Variants in TPD52 observed in about 807,000 individuals in gnomAD.
TPD52 encodes the protein prostate and colon associated protein.
TPD52 carries 17 observed loss-of-function variants against 31.3 expected under a neutral mutation model. The observed-to-expected ratio is 0.54, with a 90% CI of 0.37 to 0.82. TPD52 has a LOEUF of 0.82. Ranked by LOEUF, TPD52 falls within the 40% of genes least tolerant of loss-of-function variation. The pLI is 0.00. For synonymous variants in TPD52, 83 were observed against 89.6 expected (o/e 0.93, Z 0.42); for missense variants, 212 against 240.1 (o/e 0.88, Z 0.77).
At chr8:80,058,224 A>G (rs978821076) in intron 2 of TPD52, among the ~76,000 whole-genome samples, 2 of 152,254 alleles carry the variant, frequency 1.3e-5, no homozygotes, top group African/African-American at 2.4e-5. Context: ...AGACCCAGGC[A>G]TAATGCTACT....
intron 1 of TPD52, among the ~76,000 whole-genome samples, chr8:80,079,375 T>A (rs1044887556): frequency 1.3e-5 from 2 of 152,194 alleles, no homozygotes; most frequent in African/African-American, 2.4e-5. Context: ...CCAGCCACTT[T>A]TGGGGAAAGA....
At chr8:80,150,050 G>A (rs1736917770) in intron 1 of TPD52, among the ~76,000 whole-genome samples, 1 of 152,252 alleles carries the variant, frequency 6.6e-6, no homozygotes, top group Non-Finnish European at 1.5e-5. Context: ...GGAGGCCTAG[G>A]AGGGAGAAAT....
chr8:80,120,227 T>A (rs1808164013), intron 1 of TPD52, among the ~76,000 whole-genome samples: 1 of 152,164 alleles, frequency 6.6e-6, no homozygotes, highest in Non-Finnish European at 1.5e-5. Flanking sequence ...CGGTGGCTCA[T>A]GCCTGTAATC....
chr8:80,149,059 T>A (rs1810393970), intron 1 of TPD52, among the ~76,000 whole-genome samples: 1 of 152,078 alleles, frequency 6.6e-6, no homozygotes, highest in South Asian at 2.1e-4. Context: ...AATATCCAAT[T>A]ATTAAAACAA....
chr8:80,132,660 G>T (rs138468764), intron 1 of TPD52, among the ~76,000 whole-genome samples: 20 of 152,336 alleles, frequency 1.3e-4, no homozygotes, highest in African/African-American at 4.1e-4. Flanking sequence ...TGGACCCAGA[G>T]AATAGTACTT....
chr8:80,086,797 C>T (rs1815815567), intron 1 of TPD52, among the ~76,000 whole-genome samples: 1 of 136,676 alleles, frequency 7.3e-6, no homozygotes, highest in Non-Finnish European at 1.5e-5. Flanking sequence ...TTGCTTGAAC[C>T]CGGGAAGCGG....
chr8:80,045,255 C>T (rs1274675506), intron 5 of TPD52, among the ~76,000 whole-genome samples: 1 of 151,486 alleles, frequency 6.6e-6, no homozygotes, highest in Non-Finnish European at 1.5e-5. Context: ...GTGCTGGTCC[C>T]AATCTCTAAA....
chr8:80,139,044 C>T (rs2033068), intron 1 of TPD52, among the ~76,000 whole-genome samples: 73,638 of 151,372 alleles, frequency 0.49, 18,162 homozygotes, highest in East Asian at 0.78. Flanking sequence ...GTCTGCCTCC[C>T]GTGAGATTTC....
At chr8:80,097,905 G>C (rs1806452095) in intron 1 of TPD52, among the ~76,000 whole-genome samples, 1 of 152,190 alleles carries the variant, frequency 6.6e-6, no homozygotes, top group Non-Finnish European at 1.5e-5. Context: ...TCTCTTCTTA[G>C]GAGCTAATGT....
rs796723826 is a variant in TPD52 at position 80,136,179 on chromosome 8, T to TAAAAAAAAAA, written c.19+35245_19+35246insTTTTTTTTTT. Among the ~76,000 whole-genome samples, 386 of 121,062 alleles carry TAAAAAAAAAA rather than the reference T, an allele frequency of 3.2e-3. 15 individuals are homozygous for TAAAAAAAAAA. The highest frequency in any genetic ancestry group is 8.5e-3 in the East Asian group (26 of 3,074). 79.4% of individuals were successfully genotyped at this position (121,062 alleles called of 152,430 possible). On this transcript the variant is annotated intron_variant, in intron 1 of 7. Coordinates refer to ENST00000518937, the MANE Select transcript of TPD52 (RefSeq NM_001025253.3). ...AAAAAAAAAATTTCAGTCTTTGAGG[T>TAAAAAAAAAA]TAAAAAAAAAACAAGCACACTCACA...
chr8:80,074,991 T>A (rs1418276858), intron 1 of TPD52, among the ~76,000 whole-genome samples: 1 of 152,070 alleles, frequency 6.6e-6, no homozygotes, highest in Non-Finnish European at 1.5e-5. Flanking sequence ...TATTTTTTTT[T>A]ATTTTTTGAG....
chr8:80,139,774 C>A lies in TPD52; in HGVS notation c.19+31651G>T, dbSNP rs532608740. 2.6e-3 allele frequency among the ~76,000 whole-genome samples: 396 copies of A among 152,174 alleles called. 2 individuals are homozygous for A. The highest frequency in any genetic ancestry group is 8.9e-3 in the African/African-American group (371 of 41,504). On this transcript the variant is annotated intron_variant, in intron 1 of 7. Transcript: ENST00000518937. ...CTCATGTTAAGTGTATTATCAAAATCAAATAAAATACAACGGCGTTTTTCA... is the reference window on the plus strand; with the variant it reads ...CTCATGTTAAGTGTATTATCAAAATAAAATAAAATACAACGGCGTTTTTCA...
chr8:80,036,751 T>G lies in TPD52; in HGVS notation c.*1365A>C, dbSNP rs1481925276. ...AAAATTTGGTTTTCATAAGATAATT[T>G]ATACTGAAGTAAATCTAGCCATGCT... is the stretch of plus-strand genomic sequence containing the variant. On this transcript the variant is annotated 3_prime_UTR_variant, in exon 8 of 8. Coordinates refer to ENST00000518937, the MANE Select transcript of TPD52 (RefSeq NM_001025253.3). 1 of 152,668 alleles carries G rather than the reference T, an allele frequency of 6.6e-6. No individual in the cohort carries two copies. The highest frequency in any genetic ancestry group is 1.5e-5 in the Non-Finnish European group (1 of 68,030). 9.5% of individuals were successfully genotyped at this position (152,668 alleles called of 1,614,324 possible). A position where few individuals can be genotyped will look rare whatever the true frequency, so the allele number is the denominator to read the frequency against.
At chr8:80,120,635 A>ATTTG (rs1171677863) in intron 1 of TPD52, among the ~76,000 whole-genome samples, 1 of 152,340 alleles carries the variant, frequency 6.6e-6, no homozygotes, top group East Asian at 1.9e-4. Flanking sequence ...CAACATTGTC[A>ATTTG]TTTGACCTTC....
At chr8:80,115,480 C>G (rs759410455) in intron 1 of TPD52, among the ~76,000 whole-genome samples, 1 of 152,002 alleles carries the variant, frequency 6.6e-6, no homozygotes, top group Non-Finnish European at 1.5e-5. Context: ...ATACAAGCGG[C>G]GGAAAAGGCA....
chr8:80,080,213 C>G, intron 1 of TPD52: 1 of 1,036,596 alleles, frequency 9.6e-7, no homozygotes, highest in South Asian at 1.5e-5. Flanking sequence ...CCCAACACCA[C>G]CCTGGTACAT....
intron 1 of TPD52, among the ~76,000 whole-genome samples, chr8:80,069,181 T>C (rs1425145618): frequency 6.6e-6 from 1 of 152,186 alleles, no homozygotes; most frequent in African/African-American, 2.4e-5. Context: ...GTAAAAATTT[T>C]GGCCAGGCAC....
intron 7 of TPD52, 129 bp downstream of exon 7, chr8:80,042,491 G>A: frequency 1.4e-6 from 2 of 1,453,600 alleles, no homozygotes; most frequent in South Asian, 3.1e-5. Context: ...AGTAACATAA[G>A]GAGTAAAGTT....
At chr8:80,099,525 T>G (rs1314906611) in intron 1 of TPD52, among the ~76,000 whole-genome samples, 1 of 147,110 alleles carries the variant, frequency 6.8e-6, no homozygotes, top group East Asian at 2.0e-4. Flanking sequence ...TTTTTTTTTT[T>G]TTTGAGATGA....
Sources: gnomAD v4.1 joint callset for allele counts (sites outside exome capture counted in the v4.1 genomes callset) on GRCh38, gnomAD v4.1.1 for gene constraint, MANE v1.5 for transcripts, NCBI Gene and HGNC (gene_info 2026-07-23, HGNC 2026-07-21) for gene names.